CHEK2: variants seen among roughly 807,000 people sequenced by gnomAD.
The protein encoded by CHEK2 is serine/threonine-protein kinase Chk2.
Under a neutral mutation model 69.1 loss-of-function variants are expected in CHEK2, and 71 were observed. The observed-to-expected ratio is 1.03, with a 90% CI of 0.85 to 1.25. The LOEUF (loss-of-function observed/expected upper bound fraction) is 1.25, where lower values mean the gene tolerates loss of function less well. CHEK2 is among the 50% of genes most tolerant of loss of function. The probability of loss-of-function intolerance (pLI) is 0.00; values close to 1 mark genes in which losing one functional copy is unlikely to be tolerated. For synonymous variants in CHEK2, 189 were observed against 226.9 expected (o/e 0.83, Z 1.50); for missense variants, 664 against 649.6 (o/e 1.02, Z -0.24).
intron 11 of CHEK2, 133 bp from the exon 12 acceptor site, chr22:28,695,375 G>A: frequency 1.4e-6 from 1 of 696,266 alleles, no homozygotes; most frequent in Non-Finnish European, 2.6e-6. Flanking sequence ...AAGTGAGCTA[G>A]GCTGGGCACA....
At chr22:28,690,147 G>A (rs2052304474) in intron 13 of CHEK2, among the ~76,000 whole-genome samples, 1 of 152,330 alleles carries the variant, frequency 6.6e-6, no homozygotes, top group East Asian at 1.9e-4. Flanking sequence ...GGGAAAGGGA[G>A]AGGATACAGT....
intron 4 of CHEK2, chr22:28,724,505 T>C: frequency 4.3e-6 from 1 of 232,258 alleles, no homozygotes; most frequent in Non-Finnish European, 8.7e-6. Flanking sequence ...TGGATGGAAC[T>C]TTTTCATAAT....
chr22:28,722,833 C>A (rs2053848150), intron 4 of CHEK2, among the ~76,000 whole-genome samples: 1 of 152,114 alleles, frequency 6.6e-6, no homozygotes, highest in Admixed American at 6.6e-5. Context: ...CCTCTAGCCT[C>A]ACCTTTCTGA....
At chr22:28,702,099 G>A (rs1036120795) in intron 8 of CHEK2, among the ~76,000 whole-genome samples, 1 of 148,788 alleles carries the variant, frequency 6.7e-6, no homozygotes, top group Non-Finnish European at 1.5e-5. Context: ...TTCCAGGCAC[G>A]TGCCACTATG....
chr22:28,692,332 C>T lies in CHEK2; in HGVS notation c.1461+1700G>A, dbSNP rs926776179. 7.2e-5 allele frequency among the ~76,000 whole-genome samples: 11 copies of T among 152,282 alleles called. No homozygotes were observed. The East Asian group carries it at 2.1e-3, about 29-fold the overall frequency. ...ATTAAAATCCCCACATGCAAAGGCA[C>T]CCTTTGTTTCCAAACCCCTTTCCTC... On this transcript the variant is annotated intron_variant, in intron 13 of 14. Transcript: ENST00000404276.
intron 2 of CHEK2, among the ~76,000 whole-genome samples, chr22:28,729,753 T>C (rs964800452): frequency 7.2e-5 from 11 of 152,074 alleles, no homozygotes; most frequent in African/African-American, 2.7e-4. Flanking sequence ...AAAGAGCTTT[T>C]ATTTTATTTA....
chr22:28,691,104 T>TC (rs1379784790), intron 13 of CHEK2, among the ~76,000 whole-genome samples: 3 of 152,228 alleles, frequency 2.0e-5, no homozygotes, highest in Non-Finnish European at 2.9e-5. Flanking sequence ...TCTTGCAGTG[T>TC]CACTCTCAAA....
rs577904812 is a variant in CHEK2, at chr22:28,693,880, T to C, written c.1461+152A>G. Reference sequence around the variant, plus strand: ...TCTCAAAAAAAAAAATAAAACAGGTTGTAACCCATCCTCCAAGATACCCCC... The same window carrying C: ...TCTCAAAAAAAAAAATAAAACAGGTCGTAACCCATCCTCCAAGATACCCCC... On this transcript the variant is annotated intron_variant, in intron 13 of 14. Coordinates refer to ENST00000404276, the MANE Select transcript of CHEK2 (RefSeq NM_007194.4). The C allele has an allele frequency of 4.8e-5, 33 of 690,808 alleles. No individual in the cohort carries two copies. The African/African-American group carries it at 5.2e-4, about 11-fold the overall frequency. 42.8% of individuals were successfully genotyped at this position (690,808 alleles called of 1,614,324 possible).
rs111275234 is a variant in CHEK2 at position 28,712,180 on chromosome 22, T to C, written c.684-163A>G. ...ACAGTGAAACTTCACCAGTGTAAAATGTCAAGGGCTTAACAGCCAAAAACA... is the reference window on the plus strand; with the variant it reads ...ACAGTGAAACTTCACCAGTGTAAAACGTCAAGGGCTTAACAGCCAAAAACA... On this transcript the variant is annotated intron_variant, in intron 5 of 14. Transcript: ENST00000404276. 2.8e-5 allele frequency: 18 copies of C among 653,434 alleles called. 1 individual carries two copies. The highest frequency in any genetic ancestry group is 1.4e-4 in the African/African-American group (8 of 55,532). 40.5% of individuals were successfully genotyped at this position (653,434 alleles called of 1,614,324 possible).
At chr22:28,703,219 A>T (rs1371204230) in intron 8 of CHEK2, among the ~76,000 whole-genome samples, 1 of 152,198 alleles carries the variant, frequency 6.6e-6, no homozygotes, top group East Asian at 1.9e-4. Flanking sequence ...GACTCAGAAA[A>T]GTGAGTTAAA....
In CHEK2 at chr22:28,722,522, A is replaced by G. The variant is rs551329267; in HGVS notation, c.592+2455T>C. Reference sequence around the variant, plus strand: ...GCCACTGCACTCCAGCCTGGGCGATAGAGCCAGACTCCGTCTCAAAAAAAA... The same window carrying G: ...GCCACTGCACTCCAGCCTGGGCGATGGAGCCAGACTCCGTCTCAAAAAAAA... On this transcript the variant is annotated intron_variant, in intron 4 of 14. Transcript: ENST00000404276. Among the ~76,000 whole-genome samples the G allele has an allele frequency of 1.8e-4, 26 of 142,616 alleles. No individual in the cohort carries two copies. The South Asian group carries it at 5.5e-3, about 30-fold the overall frequency. 93.6% of individuals were successfully genotyped at this position (142,616 alleles called of 152,430 possible).
intron 7 of CHEK2, among the ~76,000 whole-genome samples, chr22:28,706,309 C>T (rs915278160): frequency 1.3e-5 from 2 of 151,708 alleles, no homozygotes; most frequent in African/African-American, 4.8e-5. Context: ...CACACACACA[C>T]ACACACACAC....
At chr22:28,739,948 A>G (rs2054509115) in intron 1 of CHEK2, among the ~76,000 whole-genome samples, 1 of 152,186 alleles carries the variant, frequency 6.6e-6, no homozygotes, top group African/African-American at 2.4e-5. Flanking sequence ...CACGCCTGTA[A>G]TCTCAGCACT....
chr22:28,689,585 G>A (rs538721072), intron 13 of CHEK2, among the ~76,000 whole-genome samples: 1 of 152,076 alleles, frequency 6.6e-6, no homozygotes, highest in Non-Finnish European at 1.5e-5. Context: ...ATCCTTCCCG[G>A]ACCACTCTCC....
intron 5 of CHEK2, among the ~76,000 whole-genome samples, chr22:28,713,713 A>C (rs1277461103): frequency 7.5e-6 from 1 of 133,144 alleles, no homozygotes; most frequent in African/African-American, 2.9e-5. Flanking sequence ...TATAGGCTCG[A>C]TCTGTCACCC....
intron 1 of CHEK2, among the ~76,000 whole-genome samples, chr22:28,737,571 G>C (rs550995352): frequency 6.6e-6 from 1 of 151,320 alleles, no homozygotes; most frequent in East Asian, 1.9e-4. Context: ...CTGGGTTCAA[G>C]CAATTCTCCT....
chr22:28,708,105 C>T (rs2053225874), intron 7 of CHEK2, among the ~76,000 whole-genome samples: 1 of 152,108 alleles, frequency 6.6e-6, no homozygotes, highest in Non-Finnish European at 1.5e-5. Flanking sequence ...TCCCAAAGTG[C>T]TGGGATTACA....
intron 7 of CHEK2, among the ~76,000 whole-genome samples, chr22:28,705,022 A>C (rs1345509956): frequency 6.6e-6 from 1 of 152,090 alleles, no homozygotes; most frequent in East Asian, 1.9e-4. Context: ...AGTATGATAC[A>C]AGTTGAGCAT....
At chr22:28,704,121 GACACACACAC>G (rs10565000) in intron 7 of CHEK2, among the ~76,000 whole-genome samples, 293 of 142,990 alleles carry the variant, frequency 2.0e-3, no homozygotes, top group African/African-American at 4.7e-3. Context: ...GAGACAGACA[GACACACACAC>G]ACACACACAC....
Sources: allele counts gnomAD v4.1 joint callset (sites outside exome capture counted in the v4.1 genomes callset), GRCh38; gene constraint gnomAD v4.1.1; transcripts MANE v1.5; gene names NCBI Gene and HGNC (gene_info 2026-07-23, HGNC 2026-07-21).